The following PLSCR2 variants were observed in gnomAD, a reference collection of about 807,000 sequenced individuals.
The protein encoded by PLSCR2 is phospholipid scramblase 2.
PLSCR2 carries 18 observed loss-of-function variants against 25.3 expected under a neutral mutation model. The ratio of observed to expected loss-of-function variants is 0.71; its 90% CI spans 0.49 to 1.06. The LOEUF is 1.06. PLSCR2 is among the 50% of genes least tolerant of loss of function. The probability of loss-of-function intolerance (pLI) is 0.00; values close to 1 mark genes in which losing one functional copy is unlikely to be tolerated. For synonymous variants in PLSCR2, 88 were observed against 87.3 expected, an observed-to-expected ratio of 1.01 and a Z score of -0.04; for missense variants, 243 against 269.5, an observed-to-expected ratio of 0.90 and a Z score of 0.69.
intron 2 of PLSCR2, among the ~76,000 whole-genome samples, chr3:146,412,016 C>T (rs1259437584): frequency 6.6e-6 from 1 of 152,056 alleles, no homozygotes; most frequent in Non-Finnish European, 1.5e-5. Flanking sequence ...GAGGAAGGGG[C>T]TGCCAGTGAA....
chr3:146,438,568 TC>T (rs2040032177), downstream of PLSCR2, among the ~76,000 whole-genome samples: 4 of 152,190 alleles, frequency 2.6e-5, no homozygotes, highest in African/African-American at 9.7e-5. Context: ...TGGTTTAAAG[TC>T]TGTTTTATCA....
At chr3:146,445,307 A>G (rs771748688) in intron 6 of PLSCR2, among the ~76,000 whole-genome samples, 1 of 152,136 alleles carries the variant, frequency 6.6e-6, no homozygotes, top group Non-Finnish European at 1.5e-5. Context: ...CTGCTTTCAG[A>G]TTGAAGAACT....
chr3:146,470,997 T>C (rs528420825), intron 1 of PLSCR2, among the ~76,000 whole-genome samples: 1 of 152,298 alleles, frequency 6.6e-6, no homozygotes, highest in African/African-American at 2.4e-5. Flanking sequence ...GTAAATGTTA[T>C]ATACATACAA....
chr3:146,489,782 T>C (rs942639550), intron 1 of PLSCR2, among the ~76,000 whole-genome samples: 3 of 152,098 alleles, frequency 2.0e-5, no homozygotes, highest in African/African-American at 7.2e-5. Context: ...CCAGATGGTG[T>C]GGAATAATCT....
chr3:146,475,141 C>A (rs1405184717), intron 1 of PLSCR2, among the ~76,000 whole-genome samples: 4 of 152,106 alleles, frequency 2.6e-5, no homozygotes, highest in African/African-American at 9.7e-5. Context: ...CTACTCCTGT[C>A]AATTCATCCA....
chr3:146,470,186 T>C (rs2042062854), intron 1 of PLSCR2, among the ~76,000 whole-genome samples: 1 of 152,148 alleles, frequency 6.6e-6, no homozygotes, highest in Admixed American at 6.5e-5. Flanking sequence ...GCGCCTTTGA[T>C]TTTTCAGGGT....
At chr3:146,468,755 A>G (rs2041976260) in intron 1 of PLSCR2, among the ~76,000 whole-genome samples, 1 of 152,222 alleles carries the variant, frequency 6.6e-6, no homozygotes, top group African/African-American at 2.4e-5. Flanking sequence ...TAACTAGCTG[A>G]ATTGAAATTA....
At chr3:146,492,088 C>T (rs1294791865) in intron 1 of PLSCR2, among the ~76,000 whole-genome samples, 1 of 152,114 alleles carries the variant, frequency 6.6e-6, no homozygotes. Context: ...TTTCTGAATG[C>T]TTACATGGCT....
upstream of PLSCR2, among the ~76,000 whole-genome samples, chr3:146,462,164 G>A (rs955515335): frequency 2.0e-5 from 3 of 151,680 alleles, no homozygotes; most frequent in African/African-American, 7.3e-5. Flanking sequence ...CACATTCATG[G>A]GATATTTCTC....
chr3:146,480,676 C>A (rs2108529505), intron 1 of PLSCR2, among the ~76,000 whole-genome samples: 1 of 152,244 alleles, frequency 6.6e-6, no homozygotes, highest in Middle Eastern at 3.4e-3. Flanking sequence ...TGGTACCATT[C>A]CTTCTGAAAC....
intron 1 of PLSCR2, among the ~76,000 whole-genome samples, chr3:146,467,852 CTAG>C (rs1264086151): frequency 2.6e-5 from 4 of 151,996 alleles, no homozygotes; most frequent in Admixed American, 6.6e-5. Flanking sequence ...GGGAAGCTCA[CTAG>C]TAGAAGTCCT....
At chr3:146,439,708 G>T (rs1422885359), downstream of PLSCR2, among the ~76,000 whole-genome samples, 1 of 152,102 alleles carries the variant, frequency 6.6e-6, no homozygotes. Flanking sequence ...TTTGTGATGG[G>T]TTTGAACATC....
downstream of PLSCR2, among the ~76,000 whole-genome samples, chr3:146,428,694 A>G (rs980725566): frequency 1.3e-5 from 2 of 152,182 alleles, no homozygotes; most frequent in South Asian, 2.1e-4. Flanking sequence ...TTTTGATGCT[A>G]TGAGGCTAAG....
At chr3:146,495,857 A>T in intron 1 of PLSCR2, 1 of 1,495,382 alleles carries the variant, frequency 6.7e-7, no homozygotes, top group South Asian at 1.2e-5. Context: ...CAACATTTGA[A>T]GCACGTTAGT....
intron 1 of PLSCR2, among the ~76,000 whole-genome samples, chr3:146,479,768 A>G (rs1376863500): frequency 6.6e-6 from 1 of 152,190 alleles, no homozygotes; most frequent in Non-Finnish European, 1.5e-5. Context: ...TCCACCCCAA[A>G]TCAGTAGAAT....
chr3:146,400,314 A>G (rs1436382249), intron 2 of PLSCR2, among the ~76,000 whole-genome samples: 1 of 151,658 alleles, frequency 6.6e-6, no homozygotes, highest in Non-Finnish European at 1.5e-5. Context: ...ACACAGAGCA[A>G]TAATTTTCTA....
intron 2 of PLSCR2, among the ~76,000 whole-genome samples, chr3:146,413,173 T>TG (rs1192068844): frequency 6.6e-6 from 1 of 152,108 alleles, no homozygotes; most frequent in African/African-American, 2.4e-5. Context: ...TTGGTGCTCC[T>TG]GGAACTCTGG....
chr3:146,448,989 G>T (rs1417588344), intron 6 of PLSCR2, among the ~76,000 whole-genome samples: 1 of 152,028 alleles, frequency 6.6e-6, no homozygotes, highest in Admixed American at 6.6e-5. Context: ...TTATTCTCTT[G>T]CCATTTGAAA....
rs2039332676 is a variant in PLSCR2 at position 146,426,034 on chromosome 3, G to T, written c.101-30113C>A. Reference sequence around the variant, plus strand: ...ACCATTTATGATTTCTTGCTAGAATGAAATTGTTGTCATAATGATTGCCAA... The same window carrying T: ...ACCATTTATGATTTCTTGCTAGAATTAAATTGTTGTCATAATGATTGCCAA... On this transcript the variant is annotated intron_variant and NMD_transcript_variant, in intron 2 of 3. Transcript: ENST00000463633. Among the ~76,000 whole-genome samples, 4 of 152,230 alleles carry T rather than the reference G, an allele frequency of 2.6e-5. 1 individual carries two copies. In the South Asian group the frequency reaches 8.3e-4, roughly 32 times the overall value.
Sources: gnomAD v4.1 joint callset for allele counts (sites outside exome capture counted in the v4.1 genomes callset) on GRCh38, gnomAD v4.1.1 for gene constraint, MANE v1.5 for transcripts, NCBI Gene and HGNC (gene_info 2026-07-23, HGNC 2026-07-21) for gene names.